NDC1: variants seen among roughly 807,000 people sequenced by gnomAD.
The protein encoded by NDC1 is NDC1 transmembrane nucleoporin.
In NDC1, 24 loss-of-function variants were observed where a neutral mutation model predicts 89.8. The ratio of observed to expected loss-of-function variants is 0.27; its 90% CI spans 0.19 to 0.38. The LOEUF is 0.38. Ranked by LOEUF, NDC1 falls within the 10% of genes least tolerant of loss-of-function variation. NDC1 has a pLI of 1.00. For synonymous variants in NDC1, 296 were observed against 284.8 expected (o/e 1.04, Z -0.39); for missense variants, 728 against 797.6 (o/e 0.91, Z 1.05).
At chr1:53,818,402 T>C (rs969884825) in intron 6 of NDC1, among the ~76,000 whole-genome samples, 3 of 151,794 alleles carry the variant, frequency 2.0e-5, no homozygotes, top group African/African-American at 7.3e-5. Context: ...GATCGCGCCA[T>C]TACGCTCCAG....
intron 12 of NDC1, 42 bp downstream of exon 12, chr1:53,796,857 G>A (rs750841963): frequency 6.2e-7 from 1 of 1,607,474 alleles, no homozygotes; most frequent in Admixed American, 1.7e-5. Context: ...CTGATCCTCT[G>A]CAACATGACA....
At chr1:53,770,678 C>T (rs943946889) in intron 17 of NDC1, among the ~76,000 whole-genome samples, 3 of 151,290 alleles carry the variant, frequency 2.0e-5, no homozygotes, top group African/African-American at 2.4e-5. Flanking sequence ...TCTTTGAGAC[C>T]GAGTCTCGCT....
At chr1:53,783,595 G>A (rs1197020989) in intron 16 of NDC1, among the ~76,000 whole-genome samples, 2 of 152,184 alleles carry the variant, frequency 1.3e-5, no homozygotes, top group Non-Finnish European at 2.9e-5. Context: ...CCAAAAGCAT[G>A]TGCTGGAAAC....
intron 6 of NDC1, among the ~76,000 whole-genome samples, chr1:53,813,349 A>C (rs1205678497): frequency 6.6e-6 from 1 of 152,186 alleles, no homozygotes; most frequent in African/African-American, 2.4e-5. Flanking sequence ...AATGGATAAG[A>C]ACTCACCAAC....
At chr1:53,818,885 C>T in intron 6 of NDC1, 86 bp downstream of exon 6, 2 of 647,632 alleles carry the variant, frequency 3.1e-6, no homozygotes. Context: ...CTGTAGAAAA[C>T]ACAAAAACAC....
intron 3 of NDC1, 83 bp from the exon 4 acceptor site, chr1:53,828,256 C>T (rs1420886276): frequency 8.1e-7 from 1 of 1,231,174 alleles, no homozygotes; most frequent in Non-Finnish European, 1.1e-6. Flanking sequence ...CTCATCCTTG[C>T]ACAAATGTTC....
In NDC1 at chr1:53,765,522, A is replaced by G. The variant is rs1457591482; in HGVS notation, c.*2448T>C. On this transcript the variant is annotated 3_prime_UTR_variant, in exon 18 of 18. Transcript: ENST00000371429. ...TATTTTTCTACCCAATCCAGTATCA[A>G]CGATATACAAAAGGATATAAACAGA... 1 of 152,166 alleles carries G rather than the reference A, an allele frequency of 6.6e-6. No homozygotes were observed. 9.4% of individuals were successfully genotyped at this position (152,166 alleles called of 1,614,324 possible). A position where few individuals can be genotyped will look rare whatever the true frequency, so the allele number is the denominator to read the frequency against.
At chr1:53,785,821 C>A (rs1369866594) in intron 16 of NDC1, among the ~76,000 whole-genome samples, 2 of 152,098 alleles carry the variant, frequency 1.3e-5, no homozygotes, top group African/African-American at 4.8e-5. Context: ...TTCCCAAGAC[C>A]AAAAGATGCA....
chr1:53,796,840 AG>A (rs1162023238), intron 12 of NDC1, 36 bp from the exon 13 acceptor site: 6 of 1,606,258 alleles, frequency 3.7e-6, no homozygotes, highest in African/African-American at 1.3e-5. Context: ...ATAAGAACTT[AG>A]GCTGTCTGAT....
chr1:53,817,673 G>T (rs1381786993), intron 6 of NDC1, among the ~76,000 whole-genome samples: 2 of 152,068 alleles, frequency 1.3e-5, no homozygotes, highest in East Asian at 3.8e-4. Flanking sequence ...ACATGACAGT[G>T]AAGTATTTAC....
chr1:53,799,038 G>C (rs910503978), intron 11 of NDC1, among the ~76,000 whole-genome samples: 1 of 152,138 alleles, frequency 6.6e-6, no homozygotes, highest in Non-Finnish European at 1.5e-5. Context: ...TCAGACTCAT[G>C]ATCTACCCAA....
intron 17 of NDC1, among the ~76,000 whole-genome samples, chr1:53,770,776 T>C (rs1647106020): frequency 1.3e-5 from 2 of 152,106 alleles, no homozygotes; most frequent in African/African-American, 4.8e-5. Context: ...TGCCTCAGCC[T>C]CCCGAGTAGC....
intron 11 of NDC1, among the ~76,000 whole-genome samples, chr1:53,797,692 T>C (rs532792680): frequency 6.6e-6 from 1 of 152,246 alleles, no homozygotes; most frequent in South Asian, 2.1e-4. Context: ...TGCAGTGGTG[T>C]AATCTCGGCT....
chr1:53,830,379 G>C (rs904525724), intron 3 of NDC1, among the ~76,000 whole-genome samples: 3 of 151,886 alleles, frequency 2.0e-5, no homozygotes, highest in Non-Finnish European at 4.4e-5. Context: ...GCTTGCACCT[G>C]GGAGGTGGAG....
intron 16 of NDC1, among the ~76,000 whole-genome samples, chr1:53,778,036 A>G (rs1266647461): frequency 6.6e-6 from 1 of 152,022 alleles, no homozygotes; most frequent in African/African-American, 2.4e-5. Context: ...TGTTGTAACA[A>G]AAGATGTAAA....
At chr1:53,803,288 A>G (rs1420470160) in intron 10 of NDC1, among the ~76,000 whole-genome samples, 2 of 152,102 alleles carry the variant, frequency 1.3e-5, no homozygotes, top group African/African-American at 4.8e-5. Context: ...GCTGGTCTCG[A>G]ATTCCTAAGC....
In NDC1 at chr1:53,828,128, A is replaced by G. The variant is rs1345032456; in HGVS notation, c.326T>C (p.Ile109Thr). Residue 109 changes from isoleucine (I) to threonine (T), a missense_variant, in exon 4 of 18, where the codon ATC becomes ACC. Ile to Thr is a moderately conservative substitution (Grantham distance 89). Transcript: ENST00000371429. Reference sequence around the variant, plus strand: ...GTGCATGAGTTGCTGAGGATGAATGATCTTCCCTATCAGAGCTAGTCTGGA... The same window carrying G: ...GTGCATGAGTTGCTGAGGATGAATGGTCTTCCCTATCAGAGCTAGTCTGGA... ...PCSRLALIGKIIHPQQLMHSF... is the reference protein window; with the variant it reads ...PCSRLALIGKTIHPQQLMHSF... The G allele has an allele frequency of 6.2e-7, 1 of 1,614,132 alleles. No homozygotes were observed. Among genetic ancestry groups the G allele is most frequent in the Non-Finnish European group, 8.5e-7 (1 of 1,180,024 alleles).
At chr1:53,824,630 G>A (rs979719155) in intron 5 of NDC1, among the ~76,000 whole-genome samples, 14 of 152,174 alleles carry the variant, frequency 9.2e-5, no homozygotes, top group African/African-American at 2.4e-5. Flanking sequence ...GAGCCCTGAT[G>A]CATCTGTGAG....
intron 17 of NDC1, among the ~76,000 whole-genome samples, chr1:53,770,211 G>T (rs1647100219): frequency 6.6e-6 from 1 of 151,464 alleles, no homozygotes; most frequent in Admixed American, 6.6e-5. Flanking sequence ...ATTTATTTTT[G>T]AGGCAGGGTC....
Sources: gnomAD v4.1 joint callset for allele counts (sites outside exome capture counted in the v4.1 genomes callset) on GRCh38, gnomAD v4.1.1 for gene constraint, MANE v1.5 for transcripts, NCBI Gene and HGNC (gene_info 2026-07-23, HGNC 2026-07-21) for gene names.